Variants in RANBP2 observed in about 807,000 individuals in gnomAD.
The protein encoded by RANBP2 is E3 SUMO-protein ligase RanBP2.
A neutral mutation model predicts 303.6 loss-of-function variants in RANBP2; 57 were observed. The observed-to-expected ratio is 0.19, with a 90% CI of 0.15 to 0.23. The LOEUF is 0.23. Among genes scored for constraint, RANBP2 ranks in the 10% least tolerant of loss-of-function variants. The pLI, the probability that RANBP2 is intolerant of heterozygous loss-of-function variation, is 1.00. For synonymous variants in RANBP2, 1,167 were observed against 1,301.5 expected, an observed-to-expected ratio of 0.90 and a Z score of 2.23; for missense variants, 3,138 against 3,780.8, an observed-to-expected ratio of 0.83 and a Z score of 4.46.
chr2:109,430,113 C>T, the RANBP2 span, among the ~76,000 whole-genome samples: 1 of 152,196 alleles, frequency 6.6e-6, no homozygotes, highest in African/African-American at 2.4e-5. Context: ...ATGAGCCCCC[C>T]ACTCCAGAGG....
the RANBP2 span, among the ~76,000 whole-genome samples, chr2:108,843,303 G>A: frequency 1.4e-4 from 22 of 152,032 alleles, no homozygotes; most frequent in East Asian, 3.9e-3. Context: ...GATTACAGGC[G>A]CCCACCACCA....
chr2:109,401,287 G>A, the RANBP2 span, among the ~76,000 whole-genome samples: 2 of 152,208 alleles, frequency 1.3e-5, no homozygotes, highest in Non-Finnish European at 2.9e-5. Flanking sequence ...AAACAAATTT[G>A]GCTCAAAGGG....
the RANBP2 span, among the ~76,000 whole-genome samples, chr2:108,916,798 C>T: frequency 1.3e-5 from 2 of 152,184 alleles, no homozygotes; most frequent in Non-Finnish European, 2.9e-5. Context: ...AAGCCAGCAC[C>T]CAATCAGCCA....
In RANBP2 at chr2:108,749,059, T is replaced by G. The variant is rs775570061; in HGVS notation, c.1203T>G (p.Leu401=). 1 of 1,612,008 alleles carries G rather than the reference T, an allele frequency of 6.2e-7. No homozygotes were observed. Among genetic ancestry groups the G allele is most frequent in the Non-Finnish European group, 8.5e-7 (1 of 1,179,862 alleles). The stretch of plus-strand genomic sequence containing the variant: ...AGTCACCTAAGGATACATCTTTTCT[T>G]GGTAGCGATGATATTGGAAACATTG... ...SSQSPKDTSF[L]GSDDIGNIDV... is the part of the protein sequence containing the mutation. The change falls in exon 9 of 29, where the codon CTT becomes CTG. Residue 401 remains leucine, a synonymous_variant. Coordinates refer to ENST00000283195, the MANE Select transcript of RANBP2 (RefSeq NM_006267.5).
intron 26 of RANBP2, among the ~76,000 whole-genome samples, chr2:108,781,631 A>C (rs1678263999): frequency 1.3e-5 from 2 of 152,192 alleles, no homozygotes; most frequent in Non-Finnish European, 2.9e-5. Context: ...TGTAAATTCT[A>C]TATGTAATTA....
the RANBP2 span, chr2:108,873,512 G>A: frequency 6.2e-7 from 1 of 1,612,470 alleles, no homozygotes; most frequent in Admixed American, 1.7e-5. Context: ...CTTGCTCTGT[G>A]CTGCTTCGAG....
the RANBP2 span, among the ~76,000 whole-genome samples, chr2:109,113,560 T>A: frequency 6.6e-6 from 1 of 152,238 alleles, no homozygotes; most frequent in African/African-American, 2.4e-5. Flanking sequence ...TTTCTAGATA[T>A]ACAATCATGT....
At chr2:109,371,216 C>T in the RANBP2 span, among the ~76,000 whole-genome samples, 1 of 152,196 alleles carries the variant, frequency 6.6e-6, no homozygotes, top group Non-Finnish European at 1.5e-5. Flanking sequence ...TGGCAAGACA[C>T]CATCTCTACC....
At chr2:109,685,720 G>A in the RANBP2 span, among the ~76,000 whole-genome samples, 5 of 152,306 alleles carry the variant, frequency 3.3e-5, no homozygotes, top group African/African-American at 1.2e-4. Flanking sequence ...CTGTGGTTCT[G>A]GTTCTGGTTT....
At chr2:108,771,100 A>G (rs1187771020) in intron 20 of RANBP2, among the ~76,000 whole-genome samples, 3 of 151,760 alleles carry the variant, frequency 2.0e-5, no homozygotes, top group African/African-American at 7.3e-5. Flanking sequence ...TTTTAGCCAT[A>G]TGAATGGTCT....
the RANBP2 span, among the ~76,000 whole-genome samples, chr2:108,844,748 A>ATTT: frequency 5.9e-4 from 80 of 136,742 alleles, no homozygotes; most frequent in African/African-American, 2.1e-3. Flanking sequence ...TACTATCCAC[A>ATTT]TTTTTTTTTT....
At chr2:109,632,447 G>A in the RANBP2 span, among the ~76,000 whole-genome samples, 15 of 152,110 alleles carry the variant, frequency 9.9e-5, no homozygotes, top group African/African-American at 2.9e-4. Context: ...AGTTAGTGTC[G>A]CAATTGAATT....
intron 1 of RANBP2, among the ~76,000 whole-genome samples, chr2:108,723,924 G>C (rs1694489024): frequency 6.6e-6 from 1 of 152,054 alleles, no homozygotes; most frequent in South Asian, 2.1e-4. Flanking sequence ...TTGATTGTCT[G>C]TCTACCTGGA....
chr2:109,143,036 T>TG, the RANBP2 span, among the ~76,000 whole-genome samples: 1 of 152,114 alleles, frequency 6.6e-6, no homozygotes. Flanking sequence ...AAAGTGCCAC[T>TG]GGGATGCTGG....
the RANBP2 span, among the ~76,000 whole-genome samples, chr2:109,542,263 A>G: frequency 6.6e-6 from 1 of 152,214 alleles, no homozygotes. Context: ...AAAATCTTAC[A>G]TGGAACCCAA....
At chr2:109,548,779 A>AAC in the RANBP2 span, among the ~76,000 whole-genome samples, 1 of 99,974 alleles carries the variant, frequency 1.0e-5, no homozygotes. Flanking sequence ...CCATCTCAAA[A>AAC]AAAAAAAAAA....
the RANBP2 span, among the ~76,000 whole-genome samples, chr2:109,157,930 C>T: frequency 6.6e-6 from 1 of 152,198 alleles, no homozygotes; most frequent in Non-Finnish European, 1.5e-5. Flanking sequence ...ATTTGCAGGC[C>T]GCTAATACAA....
At chr2:109,623,904 G>A in the RANBP2 span, among the ~76,000 whole-genome samples, 1,086 of 152,308 alleles carry the variant, frequency 7.1e-3, 6 homozygotes, top group Non-Finnish European at 0.012. Flanking sequence ...GATGGGGTCT[G>A]GACAGCCAAG....
chr2:109,159,188 GT>G, the RANBP2 span, among the ~76,000 whole-genome samples: 9 of 152,354 alleles, frequency 5.9e-5, no homozygotes, highest in African/African-American at 2.2e-4. Flanking sequence ...ACAGAGCAGG[GT>G]CTGAGCCGTG....
Sources: allele counts gnomAD v4.1 joint callset (sites outside exome capture counted in the v4.1 genomes callset), GRCh38; gene constraint gnomAD v4.1.1; transcripts MANE v1.5; gene names NCBI Gene and HGNC (gene_info 2026-07-23, HGNC 2026-07-21).